The following DNAH8 variants were observed in gnomAD, a reference collection of about 807,000 sequenced individuals.
DNAH8 encodes dynein axonemal heavy chain 8.
Under a neutral mutation model 562.1 loss-of-function variants are expected in DNAH8, and 382 were observed. The ratio of observed to expected loss-of-function variants is 0.68; its 90% confidence interval spans 0.63 to 0.74. DNAH8 has a LOEUF of 0.74. DNAH8 is among the 30% of genes least tolerant of loss of function. DNAH8 has a pLI of 0.00. For missense variants in DNAH8, 5,203 were observed against 5,620.4 expected (o/e 0.93, Z 2.37); for synonymous variants, 1,881 against 1,919.4 (o/e 0.98, Z 0.52).
chr6:38,878,739 A>G (rs1778217688), intron 53 of DNAH8, among the ~76,000 whole-genome samples: 2 of 152,200 alleles, frequency 1.3e-5, no homozygotes, highest in Non-Finnish European at 1.5e-5. Flanking sequence ...AAATTTCTTG[A>G]AAGATATAAA....
chr6:38,954,780 T>C (rs1175788765), intron 82 of DNAH8, among the ~76,000 whole-genome samples: 1 of 152,178 alleles, frequency 6.6e-6, no homozygotes, highest in Non-Finnish European at 1.5e-5. Flanking sequence ...CATATGAATT[T>C]AGAAAATTTC....
intron 26 of DNAH8, among the ~76,000 whole-genome samples, chr6:38,821,540 A>G (rs1383949077): frequency 1.3e-5 from 2 of 152,190 alleles, no homozygotes; most frequent in African/African-American, 4.8e-5. Context: ...TTGAAAAAGA[A>G]CAAAACTGGA....
In DNAH8 at chr6:38,807,652, G is replaced by C; in HGVS notation, c.3193G>C (p.Asp1065His). Residue 1065 changes from aspartate to histidine, a missense_variant, in exon 24 of 93, where the codon GAC (aspartate) becomes CAC (histidine). Transcript: ENST00000327475. ...TGCTTTTTTCTCTCATCAATTACTA[G>C]ACAGTCTTCAAAAAGCTACACGGTT... ...VFAFFSHQLLDSLQKATRLSL... is the reference protein window; with the variant it reads ...VFAFFSHQLLHSLQKATRLSL... 6.4e-7 allele frequency: 1 copy of C among 1,564,968 alleles called. No individual in the cohort carries two copies. The highest frequency in any genetic ancestry group is 8.6e-7 in the Non-Finnish European group (1 of 1,159,422).
At chr6:38,881,169 C>G (rs1347596497) in intron 53 of DNAH8, among the ~76,000 whole-genome samples, 1 of 152,166 alleles carries the variant, frequency 6.6e-6, no homozygotes, top group Non-Finnish European at 1.5e-5. Flanking sequence ...ATGGCACAGC[C>G]ACTTTGGAAA....
intron 91 of DNAH8, among the ~76,000 whole-genome samples, chr6:39,020,321 T>C (rs1766830982): frequency 6.6e-6 from 1 of 152,188 alleles, no homozygotes; most frequent in African/African-American, 2.4e-5. Context: ...AAACTTGTTC[T>C]TAAAACAACT....
chr6:38,729,590 C>A (rs547093640), intron 3 of DNAH8, among the ~76,000 whole-genome samples: 74 of 152,306 alleles, frequency 4.9e-4, no homozygotes, highest in African/African-American at 1.7e-3. Flanking sequence ...AATAGTTTAT[C>A]TTAATAATAC....
At chr6:38,795,259 A>C (rs1770123063) in intron 21 of DNAH8, among the ~76,000 whole-genome samples, 1 of 152,178 alleles carries the variant, frequency 6.6e-6, no homozygotes, top group African/African-American at 2.4e-5. Context: ...ATTATACAGT[A>C]ATTCTCCAGT....
Position 38,907,949 on chromosome 6 carries a change from C to G in DNAH8, c.9349-7C>G. On this transcript the variant is annotated splice_polypyrimidine_tract_variant and splice_region_variant and intron_variant, in intron 63 of 92. Transcript: ENST00000327475. ...ACACAGAACACTTCCTTGTCCATTCCTTAAAGATCTCCAACTTGTTTGCAC... is the reference window on the plus strand; with the variant it reads ...ACACAGAACACTTCCTTGTCCATTCGTTAAAGATCTCCAACTTGTTTGCAC... 1 of 1,586,352 alleles carries G rather than the reference C, an allele frequency of 6.3e-7. No homozygotes were observed. Among genetic ancestry groups the G allele is most frequent in the East Asian group, 2.3e-5 (1 of 43,538 alleles).
intron 67 of DNAH8, among the ~76,000 whole-genome samples, chr6:38,914,721 G>C (rs1367874609): frequency 6.6e-6 from 1 of 152,096 alleles, no homozygotes; most frequent in African/African-American, 2.4e-5. Context: ...CCAAGAGTCA[G>C]TTAAGAATAG....
chr6:38,807,480 A>G (rs1194084095), intron 23 of DNAH8, 130 bp from the exon 24 acceptor site: 106 of 420,874 alleles, frequency 2.5e-4, no homozygotes, highest in Non-Finnish European at 3.0e-5. Context: ...TTTCTACAAT[A>G]TCATTGAAAT....
In DNAH8 at chr6:38,873,295, A is replaced by G; in HGVS notation, c.7539A>G (p.Lys2513=). ...CTGTATTCCTGACACTGTATGAGAAAGTCTTTGAAGATACATACACATATA... is the reference window on the plus strand; with the variant it reads ...CTGTATTCCTGACACTGTATGAGAAGGTCTTTGAAGATACATACACATATA... ...EAAVFLTLYE[K]VFEDTYTYMK... The change falls in exon 52 of 93, where the codon AAA becomes AAG. Residue 2513 remains lysine, a synonymous_variant. Coordinates refer to ENST00000327475, the MANE Select transcript of DNAH8 (RefSeq NM_001206927.2). 1 of 1,613,870 alleles carries G rather than the reference A, an allele frequency of 6.2e-7. No homozygotes were observed.
chr6:38,920,045 AAAATGAAAAC>A (rs1216042561), intron 70 of DNAH8, among the ~76,000 whole-genome samples: 1 of 152,228 alleles, frequency 6.6e-6, no homozygotes, highest in Non-Finnish European at 1.5e-5. Context: ...AATCAAGAAG[AAAATGAAAAC>A]AAATGAAAAT....
chr6:38,898,355 A>AACACC lies in DNAH8; in HGVS notation c.9039_9040insCACCA (p.Asp3014HisfsTer5). 1 of 1,585,072 alleles carries AACACC rather than the reference A, an allele frequency of 6.3e-7. No homozygotes were observed. Among genetic ancestry groups the AACACC allele is most frequent in the Non-Finnish European group, 8.5e-7 (1 of 1,171,232 alleles). Reference sequence around the variant, plus strand: ...ACATCTCTTGATCTGGTGTTTTTTAAAGATGCAATGACTCATCTTATTAAG... The same window carrying AACACC: ...ACATCTCTTGATCTGGTGTTTTTTAAACACCAGATGCAATGACTCATCTTATTAAG... On this transcript the variant is annotated frameshift_variant, in exon 61 of 93. Coordinates refer to ENST00000327475, the MANE Select transcript of DNAH8 (RefSeq NM_001206927.2). LOFTEE classifies it high-confidence loss of function.
intron 88 of DNAH8, among the ~76,000 whole-genome samples, chr6:38,992,915 C>A (rs749079533): frequency 6.6e-6 from 1 of 152,172 alleles, no homozygotes; most frequent in Non-Finnish European, 1.5e-5. Flanking sequence ...CGAGATCCAA[C>A]AATTGTTCAT....
intron 79 of DNAH8, among the ~76,000 whole-genome samples, chr6:38,943,977 G>C (rs1349135823): frequency 5.9e-5 from 9 of 152,150 alleles, no homozygotes; most frequent in Admixed American, 4.6e-4. Flanking sequence ...GCAGAGCCAG[G>C]ATATTTTGGG....
chr6:38,803,458 C>A, intron 22 of DNAH8, 147 bp downstream of exon 22: 2 of 561,852 alleles, frequency 3.6e-6, no homozygotes, highest in Non-Finnish European at 3.1e-6. Flanking sequence ...TTGTTTGTAC[C>A]AACAGTTTAA....
At chr6:38,969,297 TA>T (rs1249662921) in intron 82 of DNAH8, among the ~76,000 whole-genome samples, 1 of 152,198 alleles carries the variant, frequency 6.6e-6, no homozygotes, top group African/African-American at 2.4e-5. Flanking sequence ...ACCTCAATTA[TA>T]AAGGTTCAGA....
intron 58 of DNAH8, among the ~76,000 whole-genome samples, chr6:38,892,606 C>T (rs1405011288): frequency 6.6e-6 from 1 of 152,114 alleles, no homozygotes; most frequent in African/African-American, 2.4e-5. Flanking sequence ...ATAAGTGGTC[C>T]GATCACCTGT....
At chr6:38,957,985 G>C (rs1157782979) in intron 82 of DNAH8, among the ~76,000 whole-genome samples, 5 of 151,388 alleles carry the variant, frequency 3.3e-5, no homozygotes, top group Non-Finnish European at 7.4e-5. Flanking sequence ...AAAGATCAGA[G>C]TAGAAATAAA....
Sources: gnomAD v4.1 joint callset for allele counts (sites outside exome capture counted in the v4.1 genomes callset) on GRCh38, gnomAD v4.1.1 for gene constraint, MANE v1.5 for transcripts, NCBI Gene and HGNC (gene_info 2026-07-23, HGNC 2026-07-21) for gene names.